Variants in TRMT44 observed in about 807,000 individuals in gnomAD.
TRMT44 encodes probable tRNA (uracil-O(2)-)-methyltransferase.
In TRMT44, 78 loss-of-function variants were observed where a neutral mutation model predicts 77.3. The observed-to-expected ratio is 1.01, with a 90% confidence interval of 0.84 to 1.22. The LOEUF (loss-of-function observed/expected upper bound fraction) is 1.22. Ranked by LOEUF, TRMT44 falls within the 50% of genes most tolerant of loss-of-function variation. The pLI is 0.00. For synonymous variants in TRMT44, 391 were observed against 383.3 expected (o/e 1.02, Z -0.23); for missense variants, 1,090 against 964.4 (o/e 1.13, Z -1.73).
chr4:8,464,981 G>T (rs79851417), intron 7 of TRMT44, among the ~76,000 whole-genome samples: 3 of 152,154 alleles, frequency 2.0e-5, no homozygotes, highest in African/African-American at 4.8e-5. Flanking sequence ...ACGAAATGCC[G>T]CATGTTCTCA....
rs1345113839 is a variant in TRMT44, at chr4:8,476,370, A to G, written c.*369A>G. The G allele has an allele frequency of 3.8e-6, 1 of 266,452 alleles. No individual in the cohort carries two copies. 16.5% of individuals were successfully genotyped at this position (266,452 alleles called of 1,614,324 possible). A position where few individuals can be genotyped will look rare whatever the true frequency, so the allele number is the denominator to read the frequency against. ...CCGACGCCTGCCCCACCATGTCCAC[A>G]TCTGTGAAGAGGATGGGGCTCCTCG... On this transcript the variant is annotated 3_prime_UTR_variant, in exon 11 of 11. Transcript: ENST00000389737.
At chr4:8,509,694 GCGCTGGAGTCCTGCGCCACGT>G in the TRMT44 span, 1 of 152,692 alleles carries the variant, frequency 6.5e-6, no homozygotes, top group Admixed American at 6.5e-5. Context: ...AGGAGGGGCG[GCGCTGGAGTCCTGCGCCACGT>G]CGCTGTTCTC....
In TRMT44 at chr4:8,471,065, A is replaced by G. The variant is rs1354970202; in HGVS notation, c.1928-19A>G. Reference sequence around the variant, plus strand: ...TTTTGCTGTTGTTTTGGGGAAAAAAAAAACCCGTTTTTCCACAGAGAGCCT... The same window carrying G: ...TTTTGCTGTTGTTTTGGGGAAAAAAGAAACCCGTTTTTCCACAGAGAGCCT... On this transcript the variant is annotated intron_variant, in intron 9 of 10. Coordinates refer to ENST00000389737, the MANE Select transcript of TRMT44 (RefSeq NM_152544.3). 1.3e-6 allele frequency: 2 copies of G among 1,563,262 alleles called. No individual in the cohort carries two copies. The highest frequency in any genetic ancestry group is 2.3e-5 in the East Asian group (1 of 44,370).
downstream of TRMT44, among the ~76,000 whole-genome samples, chr4:8,498,528 A>G (rs1477741980): frequency 2.0e-5 from 3 of 152,204 alleles, no homozygotes; most frequent in African/African-American, 4.8e-5. The surrounding 1 kb of genome is among the most constrained non-coding windows in gnomAD (Gnocchi z 4.3). Flanking sequence ...CCATATGGCC[A>G]GTGCAGGAGG....
At chr4:8,466,216 T>C (rs939265469) in intron 8 of TRMT44, among the ~76,000 whole-genome samples, 3 of 152,238 alleles carry the variant, frequency 2.0e-5, no homozygotes, top group African/African-American at 7.2e-5. Flanking sequence ...TTTTAAAAAA[T>C]AACCCCGTCG....
At chr4:8,474,632 C>G (rs917397384) in intron 10 of TRMT44, among the ~76,000 whole-genome samples, 2 of 152,230 alleles carry the variant, frequency 1.3e-5, no homozygotes, top group African/African-American at 4.8e-5. Flanking sequence ...CCTACACTTT[C>G]AAGTTCTCTT....
chr4:8,466,099 C>T (rs1031963370), intron 8 of TRMT44, among the ~76,000 whole-genome samples: 1 of 152,210 alleles, frequency 6.6e-6, no homozygotes, highest in Admixed American at 6.5e-5. Flanking sequence ...GCCCTCTTGC[C>T]GCTCCAAAGG....
chr4:8,459,108 T>TG (rs1282986612), intron 6 of TRMT44, among the ~76,000 whole-genome samples: 1 of 151,496 alleles, frequency 6.6e-6, no homozygotes, highest in Admixed American at 6.6e-5. Flanking sequence ...AGGCTGAGGT[T>TG]GGGGGATCAC....
chr4:8,474,134 A>G (rs974527537), intron 10 of TRMT44, among the ~76,000 whole-genome samples: 21 of 149,740 alleles, frequency 1.4e-4, no homozygotes, highest in African/African-American at 5.0e-4. Flanking sequence ...CTTTGGCCTC[A>G]GTGATCCCCC....
intron 1 of TRMT44, among the ~76,000 whole-genome samples, chr4:8,443,005 T>A (rs1724846158): frequency 6.6e-6 from 1 of 152,182 alleles, no homozygotes; most frequent in African/African-American, 2.4e-5. Context: ...TCACGAGTCC[T>A]GGGTATTACG....
At chr4:8,462,153 G>A (rs1275894598) in intron 6 of TRMT44, among the ~76,000 whole-genome samples, 1 of 152,242 alleles carries the variant, frequency 6.6e-6, no homozygotes, top group Non-Finnish European at 1.5e-5. Flanking sequence ...GCTCACGCCT[G>A]TAATCCCAGC....
chr4:8,507,539 C>G, the TRMT44 span: 1 of 153,428 alleles, frequency 6.5e-6, no homozygotes, highest in Non-Finnish European at 1.5e-5. Flanking sequence ...CCATCTCCCT[C>G]CCCTTTCTTT....
Position 8,441,026 on chromosome 4 carries a change from G to A in TRMT44, c.204G>A (p.Lys68=). 6.7e-7 allele frequency: 1 copy of A among 1,502,682 alleles called. No homozygotes were observed. The highest frequency in any genetic ancestry group is 8.8e-7 in the Non-Finnish European group (1 of 1,132,750). 93.1% of individuals were successfully genotyped at this position (1,502,682 alleles called of 1,614,324 possible). ...GGACTAGCGCAGGCTCGGAGCAGAA[G>A]GAGCGGGGTCCGGGACCCGGCCAGG... is the stretch of plus-strand genomic sequence containing the variant. ...GPGTSAGSEQ[K]ERGPGPGQGS... is the part of the protein sequence containing the mutation. Residue 68 remains lysine (K), a synonymous_variant, in exon 1 of 11, where the codon AAG becomes AAA. Coordinates refer to ENST00000389737, the MANE Select transcript of TRMT44 (RefSeq NM_152544.3).
At chr4:8,477,046 T>C (rs1727427965), downstream of TRMT44, 1 of 152,180 alleles carries the variant, frequency 6.6e-6, no homozygotes, top group South Asian at 2.1e-4. Context: ...TGACCCCCGA[T>C]GTTTCTATTT....
intron 2 of TRMT44, among the ~76,000 whole-genome samples, chr4:8,489,046 A>G (rs1288832112): frequency 1.3e-5 from 2 of 152,252 alleles, no homozygotes; most frequent in African/African-American, 2.4e-5. Flanking sequence ...GTGCAGGAGT[A>G]GCACCACCCA....
Position 8,454,753 on chromosome 4 carries a change from A to G in TRMT44, c.1143A>G (p.Arg381=). ...HILSSEGHPG[R]GIDVRRRKIW... ...ATTAATTTTTTCAGCATCCAGGCAGAGGGATTGATGTCCGAAGAAGAAAAA... is the reference window on the plus strand; with the variant it reads ...ATTAATTTTTTCAGCATCCAGGCAGGGGGATTGATGTCCGAAGAAGAAAAA... Residue 381 remains arginine, a synonymous_variant, in exon 6 of 11, where the codon AGA becomes AGG. Transcript: ENST00000389737. 1 of 1,614,208 alleles carries G rather than the reference A, an allele frequency of 6.2e-7. No homozygotes were observed. The highest frequency in any genetic ancestry group is 8.5e-7 in the Non-Finnish European group (1 of 1,180,020).
intron 8 of TRMT44, among the ~76,000 whole-genome samples, chr4:8,466,024 C>T (rs1726519288): frequency 6.6e-6 from 1 of 152,196 alleles, no homozygotes; most frequent in Non-Finnish European, 1.5e-5. Context: ...CAGAAGTTGG[C>T]CCGGGGGCTT....
At chr4:8,485,545 G>T (rs1022757540) in intron 2 of TRMT44, among the ~76,000 whole-genome samples, 2 of 152,146 alleles carry the variant, frequency 1.3e-5, no homozygotes, top group Non-Finnish European at 2.9e-5. Flanking sequence ...GGGTAAGGGT[G>T]ATTAGGTTTT....
At chr4:8,516,924 G>A in the TRMT44 span, among the ~76,000 whole-genome samples, 27 of 152,240 alleles carry the variant, frequency 1.8e-4, no homozygotes, top group Non-Finnish European at 3.7e-4. Flanking sequence ...TTGTAACAGT[G>A]TAACCTGAAC....
Sources: allele counts gnomAD v4.1 joint callset (sites outside exome capture counted in the v4.1 genomes callset), GRCh38; gene constraint gnomAD v4.1.1; non-coding constraint Gnocchi (gnomAD v3.1); transcripts MANE v1.5; gene names NCBI Gene and HGNC (gene_info 2026-07-23, HGNC 2026-07-21).